The following CELSR1 variants were observed in gnomAD, a reference collection of about 807,000 sequenced individuals.
CELSR1 encodes the protein cadherin EGF LAG seven-pass G-type receptor 1.
CELSR1 carries 110 observed loss-of-function variants against 249.1 expected under a neutral mutation model. The ratio of observed to expected loss-of-function variants is 0.44; its 90% CI spans 0.38 to 0.52. The LOEUF (loss-of-function observed/expected upper bound fraction) is 0.52, where lower values mean the gene tolerates loss of function less well. Ranked by LOEUF, CELSR1 falls within the 20% of genes least tolerant of loss-of-function variation. The pLI is 0.00. For missense variants in CELSR1, 4,109 were observed against 4,296.4 expected (o/e 0.96, Z 1.22); for synonymous variants, 2,113 against 1,900.0 (o/e 1.11, Z -2.92).
chr22:46,447,898 G>T lies in CELSR1; in HGVS notation c.4184-8487C>A, dbSNP rs1365833882. Among the ~76,000 whole-genome samples, 1 of 152,164 alleles carries T rather than the reference G, an allele frequency of 6.6e-6. No homozygotes were observed. The highest frequency in any genetic ancestry group is 2.4e-5 in the African/African-American group (1 of 41,432). On this transcript the variant is annotated intron_variant, in intron 2 of 34. Transcript: ENST00000674500. The surrounding 1 kb of genome is among the most constrained non-coding windows in gnomAD (Gnocchi z 4.7). ...GCCTCCCAAAGTGCTGGGATTACAG[G>T]TGCGAGCCACCACACCCGGCCAGAA...
At position 46,401,466 on chromosome 22, in the gene CELSR1, G is replaced by A. The variant is rs768576489; in HGVS notation, c.5227-1564C>T. ...GAAAAGACAGAATCTGCAAAACAGCGTGGCGTGTGCTTCCCTGCAAGGCCG... is the reference window on the plus strand; with the variant it reads ...GAAAAGACAGAATCTGCAAAACAGCATGGCGTGTGCTTCCCTGCAAGGCCG... On this transcript the variant is annotated intron_variant, in intron 9 of 34. Coordinates refer to ENST00000674500, the MANE Select transcript of CELSR1 (RefSeq NM_001378328.1). The surrounding 1 kb of genome is among the most constrained non-coding windows in gnomAD (Gnocchi z 4.7). Among the ~76,000 whole-genome samples, 32 of 152,204 alleles carry A rather than the reference G, an allele frequency of 2.1e-4. No homozygotes were observed. The highest frequency in any genetic ancestry group is 4.0e-4 in the Non-Finnish European group (27 of 68,034).
chr22:46,500,241 T>C lies in CELSR1; in HGVS notation c.3544+33386A>G, dbSNP rs1318137455. ...GCAGGAAAGCTGGGCTCACGGTGTCTGCAGGACTCAAGGAAGGGACATAAC... is the reference window on the plus strand; with the variant it reads ...GCAGGAAAGCTGGGCTCACGGTGTCCGCAGGACTCAAGGAAGGGACATAAC... On this transcript the variant is annotated intron_variant, in intron 1 of 34. Transcript: ENST00000674500. This position sits in a 1 kb window ranked among gnomAD's most constrained non-coding sequence, Gnocchi z 4.9. Among the ~76,000 whole-genome samples the C allele has an allele frequency of 6.6e-6, 1 of 151,970 alleles. No homozygotes were observed. The highest frequency in any genetic ancestry group is 1.5e-5 in the Non-Finnish European group (1 of 68,014).
intron 1 of CELSR1, among the ~76,000 whole-genome samples, chr22:46,524,564 GTGTGTGTCTGTCTGTC>G (rs1569218282): frequency 5.4e-5 from 8 of 148,906 alleles, no homozygotes; most frequent in Admixed American, 4.6e-4. Flanking sequence ...GTGTGTGTGT[GTGTGTGTCTGTCTGTC>G]TGTGTGTTTT....
intron 9 of CELSR1, among the ~76,000 whole-genome samples, chr22:46,400,191 G>C (rs2079196191): frequency 6.6e-6 from 1 of 151,324 alleles, no homozygotes; most frequent in East Asian, 1.9e-4. Context: ...TTAGCTAGGT[G>C]TGGTGGTAGG....
At position 46,391,171 on chromosome 22, in the gene CELSR1, G is replaced by A; in HGVS notation, c.6250+15C>T. ...GCCTGCCTCAGTTCCCTACACACAG[G>A]CCACGGCGACTCACCAACGGATCCC... On this transcript the variant is annotated intron_variant, in intron 16 of 34. Transcript: ENST00000674500. This position sits in a 1 kb window ranked among gnomAD's most constrained non-coding sequence, Gnocchi z 4.3. The A allele has an allele frequency of 6.2e-7, 1 of 1,607,020 alleles. No homozygotes were observed. Among genetic ancestry groups the A allele is most frequent in the Non-Finnish European group, 8.5e-7 (1 of 1,176,032 alleles).
chr22:46,497,852 A>G (rs2080427708), intron 1 of CELSR1, among the ~76,000 whole-genome samples: 1 of 152,184 alleles, frequency 6.6e-6, no homozygotes, highest in South Asian at 2.1e-4. Flanking sequence ...CACACAGAAG[A>G]GAGTACCCAT....
chr22:46,394,841 G>A (rs576989705), intron 13 of CELSR1, among the ~76,000 whole-genome samples: 14 of 152,284 alleles, frequency 9.2e-5, no homozygotes, highest in Admixed American at 2.0e-4. Context: ...AGCCTCCCCC[G>A]GCAGAGAGCA....
chr22:46,449,839 G>A (rs2079861951), intron 2 of CELSR1, among the ~76,000 whole-genome samples: 1 of 152,178 alleles, frequency 6.6e-6, no homozygotes. Context: ...GGTGGGCACA[G>A]CTAAGGCTCC....
At position 46,417,627 on chromosome 22, in the gene CELSR1, CCTCTGCCCAA is replaced by C. The variant is rs2079418368; in HGVS notation, c.4612-5878_4612-5869del. Reference sequence around the variant, plus strand: ...CCAGGTTGTAAGGGGAACTCAAGTTCCTCTGCCCAACTCTGGCTGAGGGGGACAGGTGCTC... The same window carrying C: ...CCAGGTTGTAAGGGGAACTCAAGTTCCTCTGGCTGAGGGGGACAGGTGCTC... On this transcript the variant is annotated intron_variant, in intron 5 of 34. Transcript: ENST00000674500. The surrounding 1 kb of genome is among the most constrained non-coding windows in gnomAD (Gnocchi z 4.1). Among the ~76,000 whole-genome samples the C allele has an allele frequency of 6.6e-6, 1 of 152,204 alleles. No individual in the cohort carries two copies. Among genetic ancestry groups the C allele is most frequent in the Non-Finnish European group, 1.5e-5 (1 of 68,040 alleles).
intron 1 of CELSR1, among the ~76,000 whole-genome samples, chr22:46,505,282 A>AAAAAAG (rs2080504756): frequency 6.7e-6 from 1 of 150,168 alleles, no homozygotes; most frequent in Non-Finnish European, 1.5e-5. Flanking sequence ...AAAAAAAAAA[A>AAAAAAG]GAGCAAGGCA....
chr22:46,403,390 T>C (rs61240592), intron 9 of CELSR1, among the ~76,000 whole-genome samples: 1 of 88,048 alleles, frequency 1.1e-5, no homozygotes, highest in African/African-American at 6.1e-5. Context: ...CTACTAAAAA[T>C]ACAAAAAAAA....
Position 46,407,887 on chromosome 22 carries a change from C to T in CELSR1, c.5226+1109G>A, listed in dbSNP as rs1485708450. Among the ~76,000 whole-genome samples the T allele has an allele frequency of 6.6e-6, 1 of 152,174 alleles. No individual in the cohort carries two copies. Among genetic ancestry groups the T allele is most frequent in the Non-Finnish European group, 1.5e-5 (1 of 68,042 alleles). ...AGCAGCTGGGTTTACAGGAGAGCGCCCGTGCCCCGCCATCACTACAGACGA... is the reference window on the plus strand; with the variant it reads ...AGCAGCTGGGTTTACAGGAGAGCGCTCGTGCCCCGCCATCACTACAGACGA... On this transcript the variant is annotated intron_variant, in intron 9 of 34. Coordinates refer to ENST00000674500, the MANE Select transcript of CELSR1 (RefSeq NM_001378328.1). The surrounding 1 kb of genome is among the most constrained non-coding windows in gnomAD (Gnocchi z 4.8).
At chr22:46,470,009 AG>A (rs1453132065) in intron 1 of CELSR1, among the ~76,000 whole-genome samples, 1 of 9,886 alleles carries the variant, frequency 1.0e-4, no homozygotes, top group Non-Finnish European at 1.9e-4. Flanking sequence ...GGAGAGGCAA[AG>A]GGGCCAGAGA....
At position 46,408,484 on chromosome 22, in the gene CELSR1, A is replaced by G. The variant is rs2079291978; in HGVS notation, c.5226+512T>C. Among the ~76,000 whole-genome samples the G allele has an allele frequency of 6.6e-6, 1 of 152,162 alleles. No individual in the cohort carries two copies. Among genetic ancestry groups the G allele is most frequent in the African/African-American group, 2.4e-5 (1 of 41,438 alleles). Reference sequence around the variant, plus strand: ...GTAGCTGGGGTTACAGGCCCCCACTACCAAGCCTGGCTAATTTTTTTTGTA... The same window carrying G: ...GTAGCTGGGGTTACAGGCCCCCACTGCCAAGCCTGGCTAATTTTTTTTGTA... On this transcript the variant is annotated intron_variant, in intron 9 of 34. Transcript: ENST00000674500. This position sits in a 1 kb window ranked among gnomAD's most constrained non-coding sequence, Gnocchi z 4.6.
rs1307196800 is a variant in CELSR1 at position 46,489,092 on chromosome 22, CA to C, written c.3545-24748del. ...TTCCTGCTGGTCACCCAGACTAACC[CA>C]AAGAATAACTGCAATTCAGCTCTTC... On this transcript the variant is annotated intron_variant, in intron 1 of 34. Coordinates refer to ENST00000674500, the MANE Select transcript of CELSR1 (RefSeq NM_001378328.1). 2.0e-5 allele frequency among the ~76,000 whole-genome samples: 3 copies of C among 152,214 alleles called. No individual in the cohort carries two copies. In the East Asian group the frequency reaches 5.8e-4, roughly 30 times the overall value.
chr22:46,529,535 G>A (rs554039846), intron 1 of CELSR1, among the ~76,000 whole-genome samples: 1 of 152,262 alleles, frequency 6.6e-6, no homozygotes, highest in South Asian at 2.1e-4. Flanking sequence ...AGGCACAGTG[G>A]CTCACGCCTG....
chr22:46,470,286 G>A (rs540149876), intron 1 of CELSR1, among the ~76,000 whole-genome samples: 4 of 151,782 alleles, frequency 2.6e-5, no homozygotes, highest in African/African-American at 9.7e-5. Context: ...GCAGGTACTT[G>A]AAAAATTGAT....
intron 1 of CELSR1, among the ~76,000 whole-genome samples, chr22:46,478,322 T>C (rs2080230743): frequency 6.6e-6 from 1 of 152,178 alleles, no homozygotes; most frequent in Non-Finnish European, 1.5e-5. Context: ...AAGCCACCTC[T>C]CTGCCCTCGT....
intron 20 of CELSR1, among the ~76,000 whole-genome samples, chr22:46,383,684 G>A (rs1472757401): frequency 6.6e-6 from 1 of 151,568 alleles, no homozygotes; most frequent in African/African-American, 2.4e-5. Flanking sequence ...GCGCCACCAT[G>A]CCCAGGTAAT....
Sources: gnomAD v4.1 joint callset for allele counts (sites outside exome capture counted in the v4.1 genomes callset) on GRCh38, gnomAD v4.1.1 for gene constraint, Gnocchi (gnomAD v3.1) non-coding constraint, MANE v1.5 for transcripts, NCBI Gene and HGNC (gene_info 2026-07-23, HGNC 2026-07-21) for gene names.